The following HSD17B12 variants were observed in gnomAD, a reference collection of about 807,000 sequenced individuals.
HSD17B12 encodes the protein very-long-chain 3-oxoacyl-CoA reductase.
HSD17B12 carries 32 observed loss-of-function variants against 39.3 expected under a neutral mutation model. The ratio of observed to expected loss-of-function variants is 0.81; its 90% CI spans 0.61 to 1.09. The LOEUF (loss-of-function observed/expected upper bound fraction) is 1.09. HSD17B12 is among the 50% of genes least tolerant of loss of function. HSD17B12 has a pLI of 0.00. For synonymous variants in HSD17B12, 150 were observed against 146.7 expected (o/e 1.02, Z -0.16); for missense variants, 342 against 382.9 (o/e 0.89, Z 0.89).
At chr11:43,848,730 A>G (rs1951502929) in intron 9 of HSD17B12, among the ~76,000 whole-genome samples, 1 of 152,198 alleles carries the variant, frequency 6.6e-6, no homozygotes, top group South Asian at 2.1e-4. Flanking sequence ...TCAAGCTGGA[A>G]TTTGAATCCA....
chr11:43,838,377 G>T lies in HSD17B12; in HGVS notation c.597G>T (p.Leu199Phe), dbSNP rs1315697360. ...SGSGMLPVPL[L>F]TIYSATKTFV... ...GTGGCATGCTCCCTGTCCCACTCTT[G>T]ACCATCTATTCTGCAACCAAGGTAA... The change falls in exon 8 of 11, where the codon TTG becomes TTT. Residue 199 changes from leucine (L) to phenylalanine (F), a missense_variant. By Grantham distance (22) the Leu-to-Phe change is conservative (BLOSUM62 0). Coordinates refer to ENST00000278353, the MANE Select transcript of HSD17B12 (RefSeq NM_016142.3). The T allele has an allele frequency of 1.9e-6, 3 of 1,612,416 alleles. No individual in the cohort carries two copies. Among genetic ancestry groups the T allele is most frequent in the African/African-American group, 2.7e-5 (2 of 74,804 alleles).
At chr11:43,842,965 T>C (rs1034642127) in intron 9 of HSD17B12, among the ~76,000 whole-genome samples, 4 of 152,248 alleles carry the variant, frequency 2.6e-5, no homozygotes, top group African/African-American at 9.6e-5. Context: ...CTCCAGATTT[T>C]CCACCTAGTA....
chr11:43,817,004 CTATATCTATATCTATATCTATATCTA>C (rs1367167644), intron 6 of HSD17B12, among the ~76,000 whole-genome samples: 5 of 100,318 alleles, frequency 5.0e-5, no homozygotes, highest in South Asian at 2.9e-4. Context: ...ATATCTATAT[CTATATCTATATCTATATCTATATCTA>C]TATCTATATC....
chr11:43,568,674 T>C, the HSD17B12 span, among the ~76,000 whole-genome samples: 4 of 152,246 alleles, frequency 2.6e-5, no homozygotes, highest in Non-Finnish European at 5.9e-5. Context: ...ACTGAGTGCC[T>C]GTTTCCAGGT....
the HSD17B12 span, among the ~76,000 whole-genome samples, chr11:43,630,677 G>T: frequency 6.6e-6 from 1 of 152,120 alleles, no homozygotes; most frequent in Non-Finnish European, 1.5e-5. Context: ...TAGCTGGATG[G>T]CTTGGTAATG....
chr11:43,562,100 C>T, the HSD17B12 span, among the ~76,000 whole-genome samples: 4 of 152,188 alleles, frequency 2.6e-5, no homozygotes, highest in Non-Finnish European at 4.4e-5. Flanking sequence ...AATAGCTACC[C>T]CACACAGTTA....
chr11:43,581,317 A>G, the HSD17B12 span: 2 of 470,116 alleles, frequency 4.3e-6, no homozygotes, highest in Non-Finnish European at 8.8e-6. The surrounding 1 kb of genome is among the most constrained non-coding windows in gnomAD (Gnocchi z 4.9). Context: ...CGCTGGGGAG[A>G]CCCAGCCTGT....
chr11:43,730,805 A>G (rs1472483701), intron 1 of HSD17B12, among the ~76,000 whole-genome samples: 1 of 152,142 alleles, frequency 6.6e-6, no homozygotes, highest in Non-Finnish European at 1.5e-5. Context: ...AAGAAAAGGT[A>G]GTTATTCACC....
At chr11:43,567,200 G>A in the HSD17B12 span, among the ~76,000 whole-genome samples, 1 of 152,156 alleles carries the variant, frequency 6.6e-6, no homozygotes, top group Non-Finnish European at 1.5e-5. Flanking sequence ...TTTAATGGCT[G>A]TCACTCTAGA....
intron 1 of HSD17B12, among the ~76,000 whole-genome samples, chr11:43,740,013 C>T (rs551148986): frequency 1.3e-5 from 2 of 151,742 alleles, no homozygotes; most frequent in Admixed American, 6.6e-5. Context: ...AAGAACGGGA[C>T]CAGGCGAATG....
the HSD17B12 span, among the ~76,000 whole-genome samples, chr11:43,566,973 A>T: frequency 6.6e-6 from 1 of 152,228 alleles, no homozygotes; most frequent in Non-Finnish European, 1.5e-5. Context: ...CCTTTATAAC[A>T]GTCATATTAG....
intron 9 of HSD17B12, among the ~76,000 whole-genome samples, chr11:43,845,394 A>G (rs924390922): frequency 1.9e-4 from 29 of 152,314 alleles, no homozygotes; most frequent in Middle Eastern, 3.4e-3. Flanking sequence ...TGATCTTACA[A>G]TATTCTTTAT....
chr11:43,581,600 T>C, the HSD17B12 span: 1 of 386,350 alleles, frequency 2.6e-6, no homozygotes, highest in Admixed American at 2.7e-5. This position sits in a 1 kb window ranked among gnomAD's most constrained non-coding sequence, Gnocchi z 4.9. Flanking sequence ...ATTCGGCCCT[T>C]TCCCCCGTCC....
At chr11:43,621,270 A>G in the HSD17B12 span, among the ~76,000 whole-genome samples, 1 of 152,208 alleles carries the variant, frequency 6.6e-6, no homozygotes. Context: ...AGAAATGAAT[A>G]TAAATAAGAG....
chr11:43,742,057 A>G (rs893740411), intron 1 of HSD17B12, among the ~76,000 whole-genome samples: 1 of 148,742 alleles, frequency 6.7e-6, no homozygotes, highest in Non-Finnish European at 1.5e-5. Flanking sequence ...CTATCCAACT[A>G]CAGCTGCTAT....
At chr11:43,828,137 ACTT>A (rs1951266176) in intron 6 of HSD17B12, among the ~76,000 whole-genome samples, 1 of 147,598 alleles carries the variant, frequency 6.8e-6, no homozygotes, top group Non-Finnish European at 1.5e-5. Flanking sequence ...ACTTTTGTCT[ACTT>A]CTTTTTTTTT....
intron 3 of HSD17B12, among the ~76,000 whole-genome samples, chr11:43,776,715 CT>C: frequency 6.6e-6 from 1 of 152,284 alleles, no homozygotes; most frequent in South Asian, 2.1e-4. Flanking sequence ...CCTAGGTTTT[CT>C]TCTAGGGTTT....
At chr11:43,619,200 TATATATATATATAAAATATATATATATG>T in the HSD17B12 span, among the ~76,000 whole-genome samples, 6 of 49,552 alleles carry the variant, frequency 1.2e-4, no homozygotes, top group African/African-American at 2.1e-4. Flanking sequence ...ATATATATGA[TATATATATATATAAAATATATATATATG>T]ATATATATAT....
At chr11:43,757,590 G>T (rs1196670299) in intron 3 of HSD17B12, among the ~76,000 whole-genome samples, 1 of 116,532 alleles carries the variant, frequency 8.6e-6, no homozygotes. Context: ...CCGAGATTGC[G>T]CCACTGCAGT....
Sources: gnomAD v4.1 joint callset for allele counts (sites outside exome capture counted in the v4.1 genomes callset) on GRCh38, gnomAD v4.1.1 for gene constraint, Gnocchi (gnomAD v3.1) non-coding constraint, MANE v1.5 for transcripts, NCBI Gene and HGNC (gene_info 2026-07-23, HGNC 2026-07-21) for gene names.